Variants in NLN observed in about 807,000 individuals in gnomAD.
The protein encoded by NLN is neurolysin, also known as neurolysin, mitochondrial.
A neutral mutation model predicts 79.9 loss-of-function variants in NLN; 64 were observed. The observed-to-expected ratio is 0.80, with a 90% CI of 0.65 to 0.99. The LOEUF (loss-of-function observed/expected upper bound fraction) is 0.99, where lower values mean the gene tolerates loss of function less well. Among genes scored for constraint, NLN ranks in the 50% least tolerant of loss-of-function variants. NLN has a pLI of 0.00. For synonymous variants in NLN, 267 were observed against 296.6 expected (o/e 0.90, Z 1.02); for missense variants, 835 against 858.7 (o/e 0.97, Z 0.34).
chr5:65,780,246 A>G lies in NLN; in HGVS notation c.626A>G (p.Asp209Gly). ...CIDFNKNLNE[D>G]DTFLVFSKAE... ...GATTTTAACAAAAACCTCAATGAGGATGATACCTTCCTTGTATTTTCCAAG... is the reference window on the plus strand; with the variant it reads ...GATTTTAACAAAAACCTCAATGAGGGTGATACCTTCCTTGTATTTTCCAAG... The change falls in exon 5 of 13, where the codon GAT (aspartate) becomes GGT (glycine). Residue 209 changes from aspartate to glycine, a missense_variant. Transcript: ENST00000380985. The G allele has an allele frequency of 6.8e-7, 1 of 1,473,182 alleles. No homozygotes were observed. Among genetic ancestry groups the G allele is most frequent in the Non-Finnish European group, 9.4e-7 (1 of 1,064,238 alleles). The allele number at this position is 1,473,182 out of a possible 1,614,324, so 91.3% of individuals were successfully genotyped here. A position where few individuals can be genotyped will look rare whatever the true frequency, so the allele number is the denominator to read the frequency against.
At chr5:65,803,129 G>A (rs1379118340) in intron 9 of NLN, among the ~76,000 whole-genome samples, 1 of 152,156 alleles carries the variant, frequency 6.6e-6, no homozygotes, top group African/African-American at 2.4e-5. Flanking sequence ...GGTGGGCCTG[G>A]CAAAAGCACC....
chr5:65,818,359 G>T (rs1246818592), intron 12 of NLN, among the ~76,000 whole-genome samples: 1 of 151,998 alleles, frequency 6.6e-6, no homozygotes, highest in Non-Finnish European at 1.5e-5. Flanking sequence ...TGGACCTGAC[G>T]GTTTTCTCCA....
At chr5:65,765,047 A>G (rs1186124354) in intron 3 of NLN, among the ~76,000 whole-genome samples, 2 of 152,212 alleles carry the variant, frequency 1.3e-5, no homozygotes, top group African/African-American at 2.4e-5. Flanking sequence ...TTTCTCTGTG[A>G]TACTGTAAGT....
At chr5:65,745,454 T>C (rs1019208708) in intron 1 of NLN, among the ~76,000 whole-genome samples, 1 of 152,240 alleles carries the variant, frequency 6.6e-6, no homozygotes, top group Admixed American at 6.5e-5. Context: ...GGAGTCAGGC[T>C]TGGGTTTGAA....
chr5:65,809,897 A>T, intron 10 of NLN, 140 bp from the exon 11 acceptor site: 1 of 1,097,950 alleles, frequency 9.1e-7, no homozygotes, highest in Non-Finnish European at 1.3e-6. Context: ...ATCTCCTTTT[A>T]AATCTTAAGT....
chr5:65,795,138 G>A (rs929559642), intron 9 of NLN, among the ~76,000 whole-genome samples: 11 of 151,762 alleles, frequency 7.2e-5, no homozygotes, highest in African/African-American at 2.4e-5. Context: ...GGATTGCTTT[G>A]ACCCTAGGGG....
At chr5:65,759,885 C>T (rs997825983) in intron 2 of NLN, among the ~76,000 whole-genome samples, 4 of 152,114 alleles carry the variant, frequency 2.6e-5, no homozygotes, top group African/African-American at 9.7e-5. Flanking sequence ...GTATTTTCTG[C>T]CCTTACATAC....
intron 8 of NLN, among the ~76,000 whole-genome samples, chr5:65,791,286 A>G (rs2150763545): frequency 6.6e-6 from 1 of 152,154 alleles, no homozygotes; most frequent in Non-Finnish European, 1.5e-5. Context: ...GGCTGTGCAC[A>G]GTGACTCACA....
At chr5:65,777,563 A>G (rs79132159) in intron 4 of NLN, 29 bp downstream of exon 4, 1 of 1,161,370 alleles carries the variant, frequency 8.6e-7, no homozygotes, top group Non-Finnish European at 1.2e-6. Flanking sequence ...TTCTTATCAG[A>G]AAAAAAAAAT....
intron 9 of NLN, among the ~76,000 whole-genome samples, chr5:65,799,784 T>G (rs757865858): frequency 9.2e-5 from 14 of 152,340 alleles, no homozygotes; most frequent in African/African-American, 3.4e-4. Flanking sequence ...AGGGCAGTTG[T>G]GAAGATAAAG....
chr5:65,726,111 C>CAAA (rs60073030), intron 1 of NLN, among the ~76,000 whole-genome samples: 1 of 120,968 alleles, frequency 8.3e-6, no homozygotes, highest in Non-Finnish European at 1.8e-5. Context: ...GACTCCGTCT[C>CAAA]AAAAAAAAAA....
At chr5:65,763,712 AT>A (rs1160935258) in intron 3 of NLN, among the ~76,000 whole-genome samples, 2 of 149,252 alleles carry the variant, frequency 1.3e-5, no homozygotes, top group Non-Finnish European at 3.0e-5. Flanking sequence ...TTTTTGTTTA[AT>A]TTTGCATGTT....
At chr5:65,753,810 A>G (rs1579924427) in intron 1 of NLN, among the ~76,000 whole-genome samples, 1 of 152,290 alleles carries the variant, frequency 6.6e-6, no homozygotes, top group East Asian at 1.9e-4. Context: ...TAACTCAGTC[A>G]TCTCAGGGCC....
At position 65,722,429 on chromosome 5, in the gene NLN, C is replaced by T. The variant is rs1218309095; in HGVS notation, c.41+15C>T. The T allele has an allele frequency of 1.3e-6, 2 of 1,581,512 alleles. No homozygotes were observed. The highest frequency in any genetic ancestry group is 1.7e-6 in the Non-Finnish European group (2 of 1,165,106). On this transcript the variant is annotated intron_variant, in intron 1 of 12. Coordinates refer to ENST00000380985, the MANE Select transcript of NLN (RefSeq NM_020726.5). ...AGCCTCCGCAGGTACCTCCAGCGCGCGGGTTAACCTTGGCCGTGGGCAGGG... is the reference window on the plus strand; with the variant it reads ...AGCCTCCGCAGGTACCTCCAGCGCGTGGGTTAACCTTGGCCGTGGGCAGGG...
At chr5:65,804,083 T>C (rs893836264) in intron 9 of NLN, among the ~76,000 whole-genome samples, 3 of 152,360 alleles carry the variant, frequency 2.0e-5, no homozygotes, top group Non-Finnish European at 2.9e-5. Context: ...GGGTTTGATA[T>C]AAGACTTTTG....
chr5:65,809,968 A>T (rs572471738), intron 10 of NLN, 69 bp from the exon 11 acceptor site: 1 of 1,549,122 alleles, frequency 6.5e-7, no homozygotes, highest in African/African-American at 1.4e-5. Context: ...TGGAATCTAC[A>T]ATCTTGTGAT....
chr5:65,756,231 A>G (rs773688431), intron 1 of NLN, among the ~76,000 whole-genome samples: 3 of 152,104 alleles, frequency 2.0e-5, no homozygotes, highest in Non-Finnish European at 4.4e-5. Context: ...GAGTACTCCT[A>G]TAAGTAAAAT....
At chr5:65,780,892 T>C (rs887883526) in intron 5 of NLN, among the ~76,000 whole-genome samples, 4 of 152,168 alleles carry the variant, frequency 2.6e-5, no homozygotes, top group African/African-American at 4.8e-5. Flanking sequence ...CAGAATGGTC[T>C]CGATTTCTTG....
In NLN at chr5:65,726,964, T is replaced by C. The variant is rs1392460566; in HGVS notation, c.41+4550T>C. Among the ~76,000 whole-genome samples, 6 of 152,244 alleles carry C rather than the reference T, an allele frequency of 3.9e-5. No individual in the cohort carries two copies. In the South Asian group the frequency reaches 6.2e-4, roughly 16 times the overall value. ...TTGCCTAACTGACTTACAGTTTCCATTGGGTTTTCTTGTTGGCAGAGCTGC... is the reference window on the plus strand; with the variant it reads ...TTGCCTAACTGACTTACAGTTTCCACTGGGTTTTCTTGTTGGCAGAGCTGC... On this transcript the variant is annotated intron_variant, in intron 1 of 12. Coordinates refer to ENST00000380985, the MANE Select transcript of NLN (RefSeq NM_020726.5).
Sources: allele counts gnomAD v4.1 joint callset (sites outside exome capture counted in the v4.1 genomes callset), GRCh38; gene constraint gnomAD v4.1.1; transcripts MANE v1.5; gene names NCBI Gene and HGNC (gene_info 2026-07-23, HGNC 2026-07-21).